CAMK1D: variants seen among roughly 807,000 people sequenced by gnomAD.
The protein encoded by CAMK1D is calcium/calmodulin-dependent protein kinase type 1D.
A neutral mutation model predicts 47.7 loss-of-function variants in CAMK1D; 9 were observed. The observed-to-expected ratio is 0.19, with a 90% CI of 0.11 to 0.33. The LOEUF (loss-of-function observed/expected upper bound fraction) is 0.33. CAMK1D is among the 10% of genes least tolerant of loss of function. The pLI is 1.00. For missense variants in CAMK1D, 291 were observed against 488.7 expected, an observed-to-expected ratio of 0.60 and a Z score of 3.81; for synonymous variants, 184 against 184.9, an observed-to-expected ratio of 0.99 and a Z score of 0.04.
chr10:12,730,974 CTT>C (rs1834856276), intron 3 of CAMK1D, among the ~76,000 whole-genome samples: 1 of 152,182 alleles, frequency 6.6e-6, no homozygotes. Flanking sequence ...GTTTGAGACA[CTT>C]TGCTGCAAAG....
chr10:12,740,962 A>C (rs1439738448), intron 3 of CAMK1D, among the ~76,000 whole-genome samples: 1 of 152,180 alleles, frequency 6.6e-6, no homozygotes, highest in Non-Finnish European at 1.5e-5. Flanking sequence ...TTCCTTAAGC[A>C]AGGCAATTTC....
At chr10:12,466,668 G>C (rs1357488343) in intron 1 of CAMK1D, among the ~76,000 whole-genome samples, 2 of 150,856 alleles carry the variant, frequency 1.3e-5, no homozygotes, top group Admixed American at 1.3e-4. Context: ...ATGAGATAAT[G>C]CATTAAAAAT....
intron 2 of CAMK1D, among the ~76,000 whole-genome samples, chr10:12,644,377 C>T (rs777472421): frequency 3.3e-4 from 50 of 152,200 alleles, no homozygotes; most frequent in Non-Finnish European, 6.3e-4. Context: ...GCCTTTGACA[C>T]CAAAAGTCAA....
At chr10:12,675,030 CAAA>C (rs771350871) in intron 3 of CAMK1D, among the ~76,000 whole-genome samples, 2 of 53,236 alleles carry the variant, frequency 3.8e-5, no homozygotes, top group Non-Finnish European at 8.3e-5. Context: ...GACTCCATCT[CAAA>C]AAAAAAAAAA....
chr10:12,794,055 G>A (rs1332651286), intron 6 of CAMK1D, among the ~76,000 whole-genome samples: 1 of 152,196 alleles, frequency 6.6e-6, no homozygotes, highest in Non-Finnish European at 1.5e-5. Flanking sequence ...TATTATCCCA[G>A]CCACTCTGAA....
At chr10:12,489,478 G>C (rs1280270327) in intron 1 of CAMK1D, among the ~76,000 whole-genome samples, 2 of 152,184 alleles carry the variant, frequency 1.3e-5, no homozygotes, top group Non-Finnish European at 2.9e-5. Flanking sequence ...GAAGTCATTT[G>C]TGCTTCCATA....
At chr10:12,694,317 TATA>T (rs1242214689) in intron 3 of CAMK1D, among the ~76,000 whole-genome samples, 3 of 64,030 alleles carry the variant, frequency 4.7e-5, no homozygotes, top group African/African-American at 1.9e-4. Context: ...ATATATAAAA[TATA>T]ATATATAAAG....
intron 1 of CAMK1D, among the ~76,000 whole-genome samples, chr10:12,440,947 G>A (rs984717652): frequency 6.6e-6 from 1 of 152,246 alleles, no homozygotes; most frequent in South Asian, 2.1e-4. Flanking sequence ...GGGCCAAAAA[G>A]AATTCTCTGG....
intron 2 of CAMK1D, among the ~76,000 whole-genome samples, chr10:12,555,227 C>G (rs1014216548): frequency 2.0e-5 from 3 of 152,216 alleles, no homozygotes; most frequent in Non-Finnish European, 4.4e-5. Flanking sequence ...TCCTCTCTTA[C>G]TGGGACCAGC....
At chr10:12,759,751 A>G (rs1414357922) in intron 3 of CAMK1D, among the ~76,000 whole-genome samples, 2 of 152,248 alleles carry the variant, frequency 1.3e-5, no homozygotes. Flanking sequence ...AGACAAGCAC[A>G]TAGGCCTTTT....
At position 12,525,063 on chromosome 10, in the gene CAMK1D, C is replaced by CAATTT. The variant is rs1237428272; in HGVS notation, c.93-28162_93-28161insAATTT. 8.9e-4 allele frequency among the ~76,000 whole-genome samples: 136 copies of CAATTT among 152,242 alleles called. No individual in the cohort carries two copies. In the Middle Eastern group the frequency reaches 0.01, roughly 11 times the overall value. ...AGGATTTTTTTCCATTGTCTTCTGA[C>CAATTT]TTCCATCATTCATGATGAGAAATTG... On this transcript the variant is annotated intron_variant, in intron 1 of 10. Coordinates refer to ENST00000619168, the MANE Select transcript of CAMK1D (RefSeq NM_153498.4).
intron 1 of CAMK1D, among the ~76,000 whole-genome samples, chr10:12,403,259 C>T (rs1024722098): frequency 6.6e-6 from 1 of 152,214 alleles, no homozygotes; most frequent in African/African-American, 2.4e-5. Context: ...CATCCGCTTG[C>T]CAGCTTGTGT....
At chr10:12,821,923 G>A (rs992238467) in intron 8 of CAMK1D, among the ~76,000 whole-genome samples, 3 of 152,076 alleles carry the variant, frequency 2.0e-5, no homozygotes, top group South Asian at 4.1e-4. Flanking sequence ...GCAGTGAGTC[G>A]AGATCGCACC....
chr10:12,494,327 T>C (rs1244410659), intron 1 of CAMK1D, among the ~76,000 whole-genome samples: 19 of 152,220 alleles, frequency 1.2e-4, no homozygotes, highest in Admixed American at 1.2e-3. Context: ...TGTATTTTGG[T>C]ACACAGCTTA....
At chr10:12,647,024 G>C (rs1243411207) in intron 2 of CAMK1D, among the ~76,000 whole-genome samples, 1 of 151,692 alleles carries the variant, frequency 6.6e-6, no homozygotes, top group South Asian at 2.1e-4. Context: ...TGTAGTTTTA[G>C]TAGAGATGGG....
intron 1 of CAMK1D, among the ~76,000 whole-genome samples, chr10:12,499,012 C>T (rs1250603432): frequency 3.3e-5 from 5 of 150,810 alleles, no homozygotes; most frequent in Non-Finnish European, 4.4e-5. Context: ...GCGTAGATTG[C>T]AAATGCCTTC....
chr10:12,525,913 ATGAC>A (rs1835606373), intron 1 of CAMK1D, among the ~76,000 whole-genome samples: 1 of 152,058 alleles, frequency 6.6e-6, no homozygotes, highest in South Asian at 2.1e-4. Flanking sequence ...GCTTGCCATC[ATGAC>A]TGATTTTTGT....
intron 1 of CAMK1D, among the ~76,000 whole-genome samples, chr10:12,523,759 G>GGGGAGA (rs958831565): frequency 3.9e-5 from 6 of 152,070 alleles, no homozygotes; most frequent in Admixed American, 2.0e-4. Flanking sequence ...GGGAGACCGT[G>GGGGAGA]GGGAGAGGGA....
intron 1 of CAMK1D, among the ~76,000 whole-genome samples, chr10:12,550,174 C>G (rs1443633526): frequency 6.6e-6 from 1 of 152,162 alleles, no homozygotes; most frequent in East Asian, 1.9e-4. Flanking sequence ...GGAAGATGGA[C>G]TTAGTAAATC....
Sources: allele counts gnomAD v4.1 joint callset (sites outside exome capture counted in the v4.1 genomes callset), GRCh38; gene constraint gnomAD v4.1.1; transcripts MANE v1.5; gene names NCBI Gene and HGNC (gene_info 2026-07-23, HGNC 2026-07-21).